CFAP161: variants seen among roughly 807,000 people sequenced by gnomAD.
CFAP161 encodes cilia and flagella associated protein 161.
CFAP161 carries 25 observed loss-of-function variants against 29.0 expected under a neutral mutation model. The ratio of observed to expected loss-of-function variants is 0.86; its 90% CI spans 0.63 to 1.20. The LOEUF (loss-of-function observed/expected upper bound fraction) is 1.20, where lower values mean the gene tolerates loss of function less well. Among genes scored for constraint, CFAP161 ranks in the 50% most tolerant of loss-of-function variants. The pLI is 0.00. For synonymous variants in CFAP161, 116 were observed against 137.4 expected (o/e 0.84, Z 1.09); for missense variants, 367 against 371.9 (o/e 0.99, Z 0.11).
At position 81,143,393 on chromosome 15, in the gene CFAP161, G is replaced by A. The variant is rs116114918; in HGVS notation, c.478-269G>A. On this transcript the variant is annotated intron_variant, in intron 4 of 6. Transcript: ENST00000286732. ...GGGAACAGGGGACAGGGAGTAGGAA[G>A]GAGAGAGGAAGATTGAGTTTGGTAT... 5.7e-3 allele frequency among the ~76,000 whole-genome samples: 861 copies of A among 152,298 alleles called. 7 individuals carry two copies. Among genetic ancestry groups the A allele is most frequent in the African/African-American group, 0.02 (830 of 41,564 alleles).
At chr15:81,109,793 T>C (rs11853841) in intron 1 of CFAP161, among the ~76,000 whole-genome samples, 13,964 of 152,270 alleles carry the variant, frequency 0.092, 1,809 homozygotes, top group African/African-American at 0.29. Context: ...AATCAGGGCA[T>C]AAAGAAGATA....
rs116152722 is a variant in CFAP161, at chr15:81,110,874, A to G, written c.-141-16716A>G. 5.7e-3 allele frequency among the ~76,000 whole-genome samples: 863 copies of G among 152,262 alleles called. 11 individuals carry two copies. The highest frequency in any genetic ancestry group is 0.019 in the African/African-American group (787 of 41,546). On this transcript the variant is annotated intron_variant, in intron 1 of 4. Transcript: ENST00000560091. ...CTGGGCTGCGGAGAAGCAAAGGTGC[A>G]TTGTTGGTGTGATATTCTTTCCCCC...
At chr15:81,125,972 T>C (rs1363914826) in intron 1 of CFAP161, among the ~76,000 whole-genome samples, 1 of 152,144 alleles carries the variant, frequency 6.6e-6, no homozygotes, top group East Asian at 1.9e-4. Flanking sequence ...CGGGTTCAAG[T>C]GATTCTCTTG....
At chr15:81,123,515 A>G (rs1259840406) in intron 1 of CFAP161, among the ~76,000 whole-genome samples, 3 of 152,122 alleles carry the variant, frequency 2.0e-5, no homozygotes, top group Non-Finnish European at 4.4e-5. Flanking sequence ...TGCCTTGGCT[A>G]TTTGGGCTCT....
At chr15:81,109,984 A>C (rs1402501806) in intron 1 of CFAP161, among the ~76,000 whole-genome samples, 1 of 152,166 alleles carries the variant, frequency 6.6e-6, no homozygotes, top group Non-Finnish European at 1.5e-5. Flanking sequence ...AAATTTCTGC[A>C]TAAATTTGAT....
intron 1 of CFAP161, among the ~76,000 whole-genome samples, chr15:81,100,296 C>T (rs1417542702): frequency 1.4e-5 from 2 of 146,318 alleles, no homozygotes; most frequent in African/African-American, 4.9e-5. Context: ...TGCTGATTAT[C>T]TGTCCTACTG....
At chr15:81,117,781 TC>T (rs1463674383) in intron 1 of CFAP161, 2 of 301,190 alleles carry the variant, frequency 6.6e-6, no homozygotes, top group Non-Finnish European at 1.3e-5. Flanking sequence ...TTCATCTTTG[TC>T]ATCATCCCCT....
At chr15:81,116,357 A>C (rs1894497635) in intron 1 of CFAP161, among the ~76,000 whole-genome samples, 1 of 152,212 alleles carries the variant, frequency 6.6e-6, no homozygotes, top group Non-Finnish European at 1.5e-5. Context: ...GCAGTGGCAC[A>C]ATCTTGGCTC....
At chr15:81,122,560 C>T (rs1486337359) in intron 1 of CFAP161, among the ~76,000 whole-genome samples, 3 of 149,662 alleles carry the variant, frequency 2.0e-5, no homozygotes, top group African/African-American at 4.9e-5. Context: ...GGTATGATCT[C>T]GGCTCACTAC....
chr15:81,119,877 A>T (rs901301458), intron 1 of CFAP161, among the ~76,000 whole-genome samples: 1 of 151,382 alleles, frequency 6.6e-6, no homozygotes, highest in African/African-American at 2.4e-5. Flanking sequence ...GCAACACAGC[A>T]AGATCCTGTC....
chr15:81,134,512 C>G, intron 1 of CFAP161, 114 bp downstream of exon 1: 2 of 1,030,992 alleles, frequency 1.9e-6, no homozygotes, highest in Non-Finnish European at 2.9e-6. Context: ...CAGCATACAG[C>G]GAATACCTCT....
chr15:81,125,192 G>A (rs1894625656), intron 1 of CFAP161, among the ~76,000 whole-genome samples: 1 of 151,856 alleles, frequency 6.6e-6, no homozygotes, highest in African/African-American at 2.4e-5. Flanking sequence ...AGTTTACCTA[G>A]ACTACTTATG....
In CFAP161 at chr15:81,134,289, T is replaced by C. The variant is rs1894768394; in HGVS notation, c.-41T>C. On this transcript the variant is annotated 5_prime_UTR_variant, in exon 1 of 7. It removes an upstream start codon present in the reference 5' UTR. Coordinates refer to ENST00000286732, the MANE Select transcript of CFAP161 (RefSeq NM_173528.4). ...CATGGCGACGCGCCACGCTAACGCA[T>C]GGTGTCGGAGGGAGGCCCACTTGCT... 7 of 1,561,860 alleles carry C rather than the reference T, an allele frequency of 4.5e-6. No individual in the cohort carries two copies. Among genetic ancestry groups the C allele is most frequent in the South Asian group, 1.2e-5 (1 of 84,802 alleles).
intron 1 of CFAP161, among the ~76,000 whole-genome samples, chr15:81,119,974 G>A (rs745947395): frequency 7.2e-5 from 11 of 152,078 alleles, no homozygotes; most frequent in East Asian, 1.9e-4. Context: ...GTGATAAAAG[G>A]CTCAAAAGCA....
upstream of CFAP161, among the ~76,000 whole-genome samples, chr15:81,129,804 T>C (rs1567155441): frequency 1.4e-5 from 2 of 143,168 alleles, no homozygotes; most frequent in African/African-American, 5.1e-5. Context: ...TTTGCCTACA[T>C]TGAAAATCAG....
chr15:81,148,110 A>G (rs1895041215), intron 6 of CFAP161, among the ~76,000 whole-genome samples, 179 bp downstream of exon 6: 1 of 152,172 alleles, frequency 6.6e-6, no homozygotes, highest in Non-Finnish European at 1.5e-5. Flanking sequence ...CTTCTTTTAT[A>G]CAAATCCTAC....
At chr15:81,125,175 T>A (rs1894625365) in intron 1 of CFAP161, among the ~76,000 whole-genome samples, 1 of 152,100 alleles carries the variant, frequency 6.6e-6, no homozygotes. Flanking sequence ...CTTGATTTTT[T>A]AAAAACAGTT....
At chr15:81,117,398 C>T (rs546681219) in intron 1 of CFAP161, among the ~76,000 whole-genome samples, 49 of 152,176 alleles carry the variant, frequency 3.2e-4, no homozygotes, top group Admixed American at 3.2e-3. Flanking sequence ...AAAAAGCTAA[C>T]AATGCTTACA....
chr15:81,142,955 T>C (rs139124149), intron 4 of CFAP161, among the ~76,000 whole-genome samples: 1 of 152,276 alleles, frequency 6.6e-6, no homozygotes, highest in East Asian at 1.9e-4. Context: ...TGTGAGGATA[T>C]TGATTTGAAG....
Sources: gnomAD v4.1 joint callset for allele counts (sites outside exome capture counted in the v4.1 genomes callset) on GRCh38, gnomAD v4.1.1 for gene constraint, MANE v1.5 for transcripts, NCBI Gene and HGNC (gene_info 2026-07-23, HGNC 2026-07-21) for gene names.